Variants in RBFOX3 observed in about 807,000 individuals in gnomAD.
RBFOX3 encodes the protein RNA binding protein fox-1 homolog 3.
A neutral mutation model predicts 48.7 loss-of-function variants in RBFOX3; 17 were observed. The observed-to-expected ratio is 0.35, with a 90% CI of 0.24 to 0.52. The LOEUF (loss-of-function observed/expected upper bound fraction) is 0.52. Among genes scored for constraint, RBFOX3 ranks in the 20% least tolerant of loss-of-function variants. RBFOX3 has a pLI of 0.94. For missense variants in RBFOX3, 382 were observed against 497.5 expected, an observed-to-expected ratio of 0.77 and a Z score of 2.21; for synonymous variants, 212 against 209.5, an observed-to-expected ratio of 1.01 and a Z score of -0.10.
intron 2 of RBFOX3, among the ~76,000 whole-genome samples, chr17:79,328,347 G>A (rs947636914): frequency 2.0e-5 from 3 of 152,204 alleles, no homozygotes; most frequent in Admixed American, 6.5e-5. Flanking sequence ...AGACCACACC[G>A]TCCATTGTGG....
At chr17:79,583,907 G>A (rs2093156941) in intron 1 of RBFOX3, among the ~76,000 whole-genome samples, 1 of 152,142 alleles carries the variant, frequency 6.6e-6, no homozygotes, top group African/African-American at 2.4e-5. Flanking sequence ...GGTGAGAGGG[G>A]AAAGGTGTGG....
chr17:79,122,864 T>C (rs11657884), intron 4 of RBFOX3, among the ~76,000 whole-genome samples: 110,043 of 151,992 alleles, frequency 0.72, 40,053 homozygotes, highest in East Asian at 0.84. Context: ...TGGAGTACTA[T>C]TGAGCCATAA....
intron 2 of RBFOX3, among the ~76,000 whole-genome samples, chr17:79,352,956 C>T (rs535414634): frequency 6.6e-6 from 1 of 152,336 alleles, no homozygotes; most frequent in East Asian, 1.9e-4. Flanking sequence ...TTTGGGCAGA[C>T]AGATGGGAAA....
At chr17:79,325,827 C>T (rs1482690181) in intron 2 of RBFOX3, among the ~76,000 whole-genome samples, 1 of 152,130 alleles carries the variant, frequency 6.6e-6, no homozygotes, top group Non-Finnish European at 1.5e-5. Context: ...CATTACAGGG[C>T]GAGGCTGTGC....
chr17:79,626,400 G>C, the RBFOX3 span, among the ~76,000 whole-genome samples: 1 of 152,216 alleles, frequency 6.6e-6, no homozygotes, highest in East Asian at 1.9e-4. Flanking sequence ...CTGTCTCAGC[G>C]GGCCACGCCA....
intron 3 of RBFOX3, among the ~76,000 whole-genome samples, chr17:79,258,867 G>A (rs1015058590): frequency 7.9e-5 from 12 of 152,190 alleles, no homozygotes; most frequent in South Asian, 4.1e-4. Context: ...TACTTGACCC[G>A]GCTATCACAG....
At chr17:79,527,500 A>G (rs1378737007) in intron 1 of RBFOX3, among the ~76,000 whole-genome samples, 3 of 151,624 alleles carry the variant, frequency 2.0e-5, no homozygotes, top group Non-Finnish European at 4.4e-5. Flanking sequence ...CTCCTGGCCA[A>G]CTCCCTCCCC....
intron 2 of RBFOX3, among the ~76,000 whole-genome samples, chr17:79,408,822 T>C (rs2063895757): frequency 6.6e-6 from 1 of 152,210 alleles, no homozygotes; most frequent in Non-Finnish European, 1.5e-5. Context: ...ATTATTGTAG[T>C]ATTATTATTC....
At chr17:79,422,336 C>A (rs1156618637) in intron 2 of RBFOX3, among the ~76,000 whole-genome samples, 8 of 151,992 alleles carry the variant, frequency 5.3e-5, no homozygotes, top group Non-Finnish European at 1.2e-4. Context: ...CAACCCCCCT[C>A]CCCACACATT....
intron 12 of RBFOX3, among the ~76,000 whole-genome samples, chr17:79,096,403 T>C (rs1212297157): frequency 1.3e-5 from 2 of 152,150 alleles, no homozygotes; most frequent in African/African-American, 2.4e-5. Context: ...AGGAAGATGG[T>C]TTCAGCTCAC....
intron 1 of RBFOX3, among the ~76,000 whole-genome samples, chr17:79,578,916 A>C (rs1296906350): frequency 1.3e-5 from 2 of 152,130 alleles, no homozygotes; most frequent in Non-Finnish European, 2.9e-5. Flanking sequence ...CTGTGGTTAC[A>C]CCTGCTGCAA....
chr17:79,397,559 G>A (rs948285960), intron 2 of RBFOX3, among the ~76,000 whole-genome samples: 13 of 148,882 alleles, frequency 8.7e-5, no homozygotes, highest in African/African-American at 3.0e-4. Flanking sequence ...GAGCCTCCTC[G>A]CATACCTCAT....
intron 1 of RBFOX3, among the ~76,000 whole-genome samples, chr17:79,587,228 T>C (rs1167402618): frequency 6.6e-6 from 1 of 152,190 alleles, no homozygotes; most frequent in Non-Finnish European, 1.5e-5. Context: ...GAAGGGAGCA[T>C]GGCTGGTCAC....
In RBFOX3 at chr17:79,398,284, G is replaced by A. The variant is rs576861299; in HGVS notation, c.-175+84170C>T. On this transcript the variant is annotated intron_variant, in intron 2 of 14. Transcript: ENST00000693108. ...GTATGGGAGCGTCCAGCCCTGAGGC[G>A]CTCCTGGCCTAGACGAGGCTTCATT... is the stretch of plus-strand genomic sequence containing the variant. 1.2e-4 allele frequency among the ~76,000 whole-genome samples: 18 copies of A among 152,280 alleles called. No homozygotes were observed. In the South Asian group the frequency reaches 3.1e-3, roughly 26 times the overall value.
In RBFOX3 at chr17:79,094,510, C is replaced by T. The variant is rs1417606665; in HGVS notation, c.1018G>A (p.Ala340Thr). 7.9e-7 allele frequency: 1 copy of T among 1,267,338 alleles called. No homozygotes were observed. Among genetic ancestry groups the T allele is most frequent in the South Asian group, 1.5e-5 (1 of 68,744 alleles). The allele number at this position is 1,267,338 out of a possible 1,614,324, so 78.5% of individuals were successfully genotyped here. Reference protein sequence around the residue: ...YSDSYGRVYAAADPYHHTIGP... With the variant: ...YSDSYGRVYATADPYHHTIGP... ...ATGGTGTGATGGTACGGGTCGGCAG[C>T]TGCGTAGACTCTGCCGTAACTAGGG... is the stretch of plus-strand genomic sequence containing the variant. Residue 340 changes from alanine (A) to threonine (T), a missense_variant, in exon 14 of 15, where the codon GCT (alanine) becomes ACT (threonine). Physicochemically the swap from Ala to Thr is moderately conservative, Grantham distance 58. Transcript: ENST00000693108.
chr17:79,635,980 C>A, the RBFOX3 span, among the ~76,000 whole-genome samples: 1 of 152,222 alleles, frequency 6.6e-6, no homozygotes, highest in African/African-American at 2.4e-5. Context: ...AATTGATAAA[C>A]CCACGTGGAA....
At chr17:79,241,908 C>T (rs1223504779) in intron 3 of RBFOX3, among the ~76,000 whole-genome samples, 1 of 152,178 alleles carries the variant, frequency 6.6e-6, no homozygotes, top group Non-Finnish European at 1.5e-5. Context: ...CTCATCTAAC[C>T]CTAATCACCT....
intron 4 of RBFOX3, chr17:79,183,199 T>G (rs1190414827): frequency 1.4e-5 from 2 of 146,726 alleles, no homozygotes; most frequent in Non-Finnish European, 3.0e-5. Context: ...GTGCGGGGCG[T>G]GGGCGGCAGC....
At chr17:79,402,188 G>C (rs1290423182) in intron 2 of RBFOX3, among the ~76,000 whole-genome samples, 1 of 152,224 alleles carries the variant, frequency 6.6e-6, no homozygotes, top group African/African-American at 2.4e-5. Flanking sequence ...GGCTCTGCAA[G>C]GGAGGCAGGA....
Sources: allele counts gnomAD v4.1 joint callset (sites outside exome capture counted in the v4.1 genomes callset), GRCh38; gene constraint gnomAD v4.1.1; transcripts MANE v1.5; gene names NCBI Gene and HGNC (gene_info 2026-07-23, HGNC 2026-07-21).